EYA3: variants seen among roughly 807,000 people sequenced by gnomAD.
EYA3 encodes protein phosphatase EYA3.
A neutral mutation model predicts 80.0 loss-of-function variants in EYA3; 39 were observed. That is an observed-to-expected ratio of 0.49 (90% confidence interval 0.38 to 0.64). EYA3 has a LOEUF of 0.64. Ranked by LOEUF, EYA3 falls within the 30% of genes least tolerant of loss-of-function variation. The pLI is 0.00. For missense variants in EYA3, 523 were observed against 676.1 expected (o/e 0.77, Z 2.51); for synonymous variants, 206 against 232.8 (o/e 0.88, Z 1.05).
At chr1:28,028,983 G>T (rs773085753) in intron 6 of EYA3, among the ~76,000 whole-genome samples, 2 of 152,138 alleles carry the variant, frequency 1.3e-5, no homozygotes, top group African/African-American at 4.8e-5. Context: ...GCTTTTTAAA[G>T]TGTTGGGATT....
intron 4 of EYA3, 96 bp from the exon 5 acceptor site, chr1:28,039,001 A>T (rs977505008): frequency 3.7e-5 from 25 of 670,962 alleles, no homozygotes; most frequent in Non-Finnish European, 5.6e-5. Flanking sequence ...TTTCAAACTA[A>T]TTAACAGAAT....
At chr1:28,057,382 T>C (rs1644472154) in intron 2 of EYA3, among the ~76,000 whole-genome samples, 1 of 151,986 alleles carries the variant, frequency 6.6e-6, no homozygotes, top group South Asian at 2.1e-4. Flanking sequence ...AGAAAGAAAC[T>C]GAAGACAAAA....
intron 3 of EYA3, among the ~76,000 whole-genome samples, chr1:28,046,471 G>A (rs1644008810): frequency 1.3e-5 from 2 of 152,050 alleles, no homozygotes; most frequent in South Asian, 4.1e-4. Flanking sequence ...TTGAACTAGG[G>A]AGCAAGATCC....
At chr1:28,018,195 C>CA (rs957991832) in intron 7 of EYA3, among the ~76,000 whole-genome samples, 8 of 132,618 alleles carry the variant, frequency 6.0e-5, no homozygotes, top group East Asian at 2.1e-4. Flanking sequence ...GACTCTGTCT[C>CA]AAAAAAAAAG....
chr1:28,000,274 G>C (rs1640734087), intron 11 of EYA3, among the ~76,000 whole-genome samples: 1 of 152,134 alleles, frequency 6.6e-6, no homozygotes. Context: ...CTAGAAATTA[G>C]TAGTTTCATA....
At chr1:28,063,352 C>CTTTTTTT (rs371840536) in intron 1 of EYA3, among the ~76,000 whole-genome samples, 6 of 93,526 alleles carry the variant, frequency 6.4e-5, no homozygotes, top group South Asian at 3.4e-4. Context: ...TAACTAAAAC[C>CTTTTTTT]TTTTTTTTTT....
intron 7 of EYA3, among the ~76,000 whole-genome samples, chr1:28,025,697 A>T (rs1642739252): frequency 6.6e-6 from 1 of 152,218 alleles, no homozygotes. Context: ...CTAACAGATA[A>T]CAAATAAGAA....
intron 10 of EYA3, 61 bp downstream of exon 10, chr1:28,010,886 T>G: frequency 6.4e-7 from 1 of 1,558,330 alleles, no homozygotes; most frequent in Non-Finnish European, 8.7e-7. Context: ...AAAAACATGT[T>G]TGATAAACTT....
intron 3 of EYA3, 32 bp downstream of exon 3, chr1:28,048,351 A>T: frequency 2.0e-6 from 3 of 1,534,278 alleles, no homozygotes; most frequent in South Asian, 1.2e-5. Context: ...ACTTATGAGT[A>T]GTTCATTAAA....
chr1:27,992,884 G>C (rs531383904), intron 14 of EYA3, among the ~76,000 whole-genome samples: 1 of 152,228 alleles, frequency 6.6e-6, no homozygotes, highest in East Asian at 1.9e-4. Flanking sequence ...CTAAATAATA[G>C]AATTTTAGGC....
At chr1:28,082,254 GT>G (rs1645457271) in intron 1 of EYA3, among the ~76,000 whole-genome samples, 2 of 152,038 alleles carry the variant, frequency 1.3e-5, no homozygotes. Context: ...ATTCTCGACT[GT>G]TTTCAAAATA....
intron 6 of EYA3, among the ~76,000 whole-genome samples, chr1:28,031,434 A>C (rs547364639): frequency 6.6e-5 from 10 of 152,348 alleles, no homozygotes; most frequent in Non-Finnish European, 1.3e-4. Flanking sequence ...AAGTACTTTT[A>C]AGCATCAAGA....
chr1:28,055,176 T>C (rs1644393019), intron 2 of EYA3, among the ~76,000 whole-genome samples: 1 of 152,158 alleles, frequency 6.6e-6, no homozygotes, highest in South Asian at 2.1e-4. Flanking sequence ...CAAAGGGTGA[T>C]GATGTTACTT....
intron 7 of EYA3, among the ~76,000 whole-genome samples, chr1:28,025,335 G>A (rs1642711266): frequency 6.6e-6 from 1 of 152,198 alleles, no homozygotes; most frequent in Admixed American, 6.5e-5. Flanking sequence ...AGTGAATTTA[G>A]ATATTTGTTA....
Position 27,974,341 on chromosome 1 carries a change from AAG to A in EYA3, c.*123_*124del, listed in dbSNP as rs1184629527. On this transcript the variant is annotated 3_prime_UTR_variant, in exon 18 of 18. Transcript: ENST00000373871. ...AGAGAGGGAGAGAGAGAAAGAGAGA[AAG>A]AGAGAGAGATAGAGACAGAGACACA... The A allele has an allele frequency of 3.0e-5, 17 of 565,754 alleles. No homozygotes were observed. Among genetic ancestry groups the A allele is most frequent in the Admixed American group, 6.2e-5 (2 of 32,372 alleles). The allele number at this position is 565,754 out of a possible 1,614,324, so 35.0% of individuals were successfully genotyped here.
chr1:28,017,166 G>A lies in EYA3; in HGVS notation c.573C>T (p.Ser191=). Residue 191 remains serine (S), a synonymous_variant, in exon 8 of 18, where the codon AGC becomes AGT. Coordinates refer to ENST00000373871, the MANE Select transcript of EYA3 (RefSeq NM_001990.4). The stretch of plus-strand genomic sequence containing the variant: ...GGTAGCATCATACCTGGTTTGAGAT[G>A]CTGGCTACTGCTGCTGCTGGAATAT... ...IANIPAAAVA[S]ISNQDYPTYT... The A allele has an allele frequency of 6.2e-7, 1 of 1,613,488 alleles. No homozygotes were observed. The highest frequency in any genetic ancestry group is 8.5e-7 in the Non-Finnish European group (1 of 1,179,448).
Position 28,080,050 on chromosome 1 carries a change from T to C in EYA3, c.-69+8474A>G, listed in dbSNP as rs140329518. Reference sequence around the variant, plus strand: ...TACGGAAACTAAAGAAAAAATTCAATTTCACCTAAAAGCTAATCATTCTAA... The same window carrying C: ...TACGGAAACTAAAGAAAAAATTCAACTTCACCTAAAAGCTAATCATTCTAA... On this transcript the variant is annotated intron_variant, in intron 1 of 17. Transcript: ENST00000373871. Among the ~76,000 whole-genome samples, 700 of 152,256 alleles carry C rather than the reference T, an allele frequency of 4.6e-3. 5 individuals carry two copies. Among genetic ancestry groups the C allele is most frequent in the African/African-American group, 0.016 (669 of 41,554 alleles).
chr1:28,034,035 A>C (rs1030877171), intron 6 of EYA3, among the ~76,000 whole-genome samples: 21 of 151,974 alleles, frequency 1.4e-4, no homozygotes, highest in Non-Finnish European at 2.2e-4. Flanking sequence ...CTCTACTAAA[A>C]TACAAAAATT....
At chr1:28,079,243 AG>A (rs1645335046) in intron 1 of EYA3, among the ~76,000 whole-genome samples, 1 of 152,234 alleles carries the variant, frequency 6.6e-6, no homozygotes, top group Admixed American at 6.5e-5. Flanking sequence ...AGGATAGGCA[AG>A]GAACTGTTGA....
Sources: allele counts gnomAD v4.1 joint callset (sites outside exome capture counted in the v4.1 genomes callset), GRCh38; gene constraint gnomAD v4.1.1; transcripts MANE v1.5; gene names NCBI Gene and HGNC (gene_info 2026-07-23, HGNC 2026-07-21).